The following FRMPD4 variants were observed in gnomAD, a reference collection of about 807,000 sequenced individuals.
FRMPD4 encodes FERM and PDZ domain-containing protein 4.
A neutral mutation model predicts 94.1 loss-of-function variants in FRMPD4; 22 were observed. The ratio of observed to expected loss-of-function variants is 0.23; its 90% confidence interval spans 0.17 to 0.33. The LOEUF (loss-of-function observed/expected upper bound fraction) is 0.33, where lower values mean the gene tolerates loss of function less well. FRMPD4 is among the 10% of genes least tolerant of loss of function. FRMPD4 has a pLI of 1.00. For missense variants in FRMPD4, 1,111 were observed against 1,339.9 expected, an observed-to-expected ratio of 0.83 and a Z score of 2.67; for synonymous variants, 631 against 548.6, an observed-to-expected ratio of 1.15 and a Z score of -2.10.
At chrX:12,219,244 C>T (rs762295669) in intron 1 of FRMPD4, among the ~76,000 whole-genome samples, 97 of 111,441 alleles carry the variant, frequency 8.7e-4, no homozygotes, top group African/African-American at 3.1e-3. Flanking sequence ...TGGTATGCAC[C>T]TGTATTCCCA....
intron 3 of FRMPD4, among the ~76,000 whole-genome samples, chrX:12,035,746 T>G (rs1432761408): frequency 9.0e-6 from 1 of 111,295 alleles, no homozygotes; most frequent in African/African-American, 3.3e-5. Flanking sequence ...ACAGAGATCA[T>G]GGGCCCAAAG....
intron 1 of FRMPD4, among the ~76,000 whole-genome samples, chrX:12,166,137 A>G (rs1287484407): frequency 8.9e-6 from 1 of 111,881 alleles, no homozygotes; most frequent in Non-Finnish European, 1.9e-5. Context: ...CCAGTTTTCA[A>G]AGGGAATGCT....
At chrX:12,056,612 A>G (rs184952175) in intron 3 of FRMPD4, among the ~76,000 whole-genome samples, 1 of 111,277 alleles carries the variant, frequency 9.0e-6, no homozygotes, top group East Asian at 2.8e-4. Flanking sequence ...TCAAAGAGAA[A>G]CTTTTGCTTT....
chrX:12,310,899 C>T (rs1389995071), intron 1 of FRMPD4, among the ~76,000 whole-genome samples: 1 of 112,296 alleles, frequency 8.9e-6, no homozygotes, highest in Non-Finnish European at 1.9e-5. Flanking sequence ...TTTTATATGT[C>T]TCATACAAAC....
intron 1 of FRMPD4, among the ~76,000 whole-genome samples, chrX:12,385,999 T>C (rs964949658): frequency 8.9e-6 from 1 of 112,654 alleles, no homozygotes; most frequent in Non-Finnish European, 1.9e-5. Flanking sequence ...AGCAGAACTC[T>C]GCTTTTCAGG....
intron 2 of FRMPD4, among the ~76,000 whole-genome samples, chrX:12,571,466 A>G (rs1291663063): frequency 8.9e-6 from 1 of 112,526 alleles, no homozygotes; most frequent in Non-Finnish European, 1.9e-5. Context: ...CCTTTCTCCT[A>G]GGAGCCATTT....
intron 1 of FRMPD4, among the ~76,000 whole-genome samples, chrX:11,825,743 TC>T (rs1249325618): frequency 2.7e-5 from 3 of 112,208 alleles, no homozygotes; most frequent in South Asian, 3.7e-4. Context: ...AACGTCAATT[TC>T]CTCATTTTGA....
chrX:11,828,733 G>A (rs778796060), intron 1 of FRMPD4, among the ~76,000 whole-genome samples: 17 of 109,993 alleles, frequency 1.5e-4, no homozygotes, highest in Non-Finnish European at 3.2e-4. Flanking sequence ...CATGTTGCAA[G>A]GTCGCAGTTT....
chrX:11,935,253 TTTTTTTTTTTAATG>T (rs2054149883), intron 3 of FRMPD4, among the ~76,000 whole-genome samples: 4 of 38,069 alleles, frequency 1.1e-4, no homozygotes, highest in African/African-American at 4.5e-4. Context: ...TTTGTTGTTT[TTTTTTTTTTTAATG>T]TGTTTTTTTT....
At chrX:11,873,931 A>G (rs1306721675) in intron 2 of FRMPD4, among the ~76,000 whole-genome samples, 1 of 110,955 alleles carries the variant, frequency 9.0e-6, no homozygotes, top group Non-Finnish European at 1.9e-5. Context: ...CTGTAATCCC[A>G]ACTACTTGGG....
At chrX:11,965,228 GC>G (rs1043121456) in intron 3 of FRMPD4, among the ~76,000 whole-genome samples, 19 of 112,162 alleles carry the variant, frequency 1.7e-4, no homozygotes, top group African/African-American at 6.2e-4. Flanking sequence ...CCTACCACAT[GC>G]CCTATTTTCC....
chrX:12,046,513 G>C (rs181339990), intron 3 of FRMPD4, among the ~76,000 whole-genome samples: 182 of 111,647 alleles, frequency 1.6e-3, no homozygotes, highest in African/African-American at 5.7e-3. Context: ...GACACCAGTC[G>C]TGAGTCTGGG....
intron 1 of FRMPD4, among the ~76,000 whole-genome samples, chrX:12,452,940 C>G (rs970136309): frequency 1.8e-5 from 2 of 112,014 alleles, no homozygotes; most frequent in Non-Finnish European, 3.8e-5. Context: ...AGGCTTCCAG[C>G]CCGGCATGGA....
At chrX:12,371,085 T>G (rs971359548) in intron 1 of FRMPD4, among the ~76,000 whole-genome samples, 11 of 112,659 alleles carry the variant, frequency 9.8e-5, no homozygotes, top group African/African-American at 3.2e-4. Flanking sequence ...GTAGTTTTAT[T>G]TAACATTAAA....
intron 3 of FRMPD4, among the ~76,000 whole-genome samples, chrX:12,034,596 C>T (rs2054709992): frequency 8.9e-6 from 1 of 111,761 alleles, no homozygotes; most frequent in South Asian, 3.8e-4. Flanking sequence ...CTTGTTTCAG[C>T]ACTTGGGAGT....
chrX:12,110,428 TA>T, intron 3 of FRMPD4, among the ~76,000 whole-genome samples: 1 of 111,878 alleles, frequency 8.9e-6, no homozygotes, highest in South Asian at 3.8e-4. Context: ...CTCAAAATAA[TA>T]AGAGCTATTT....
At position 12,353,887 on chromosome X, in the gene FRMPD4, A is replaced by C. The variant is rs375922128; in HGVS notation, c.42-144793A>C. On this transcript the variant is annotated intron_variant, in intron 1 of 16. Transcript: ENST00000675598. ...GAGTGCTCATTTTGCCCTAGGTACA[A>C]GTTTCAACAGGATTTCCTTAAACAT... 3.6e-5 allele frequency among the ~76,000 whole-genome samples: 4 copies of C among 111,985 alleles called. No homozygotes were observed. The East Asian group carries it at 1.1e-3, about 31-fold the overall frequency.
chrX:12,689,211 G>C (rs1214341438), intron 7 of FRMPD4, among the ~76,000 whole-genome samples: 1 of 111,944 alleles, frequency 8.9e-6, no homozygotes, highest in Non-Finnish European at 1.9e-5. Context: ...AGGTTGAAGA[G>C]ATTAGTTTTA....
At chrX:12,109,033 G>A (rs1238499502) in intron 3 of FRMPD4, among the ~76,000 whole-genome samples, 4 of 110,978 alleles carry the variant, frequency 3.6e-5, no homozygotes, top group African/African-American at 6.6e-5. Context: ...AAGTTAACAA[G>A]GATATCCAGG....
Sources: allele counts gnomAD v4.1 joint callset (sites outside exome capture counted in the v4.1 genomes callset), GRCh38; gene constraint gnomAD v4.1.1; transcripts MANE v1.5; gene names NCBI Gene and HGNC (gene_info 2026-07-23, HGNC 2026-07-21).